Variants in DPP10 observed in about 807,000 individuals in gnomAD.
The protein encoded by DPP10 is inactive dipeptidyl peptidase 10.
In DPP10, 33 loss-of-function variants were observed where a neutral mutation model predicts 120.9. The ratio of observed to expected loss-of-function variants is 0.27; its 90% CI spans 0.21 to 0.37. DPP10 has a LOEUF of 0.37. Ranked by LOEUF, DPP10 falls within the 10% of genes least tolerant of loss-of-function variation. The pLI, the probability that DPP10 is intolerant of heterozygous loss-of-function variation, is 1.00. For synonymous variants in DPP10, 337 were observed against 326.1 expected (o/e 1.03, Z -0.36); for missense variants, 816 against 942.8 (o/e 0.87, Z 1.76).
At chr2:115,669,342 A>G (rs1410201819) in intron 5 of DPP10, among the ~76,000 whole-genome samples, 1 of 152,176 alleles carries the variant, frequency 6.6e-6, no homozygotes. Flanking sequence ...TGAACTAGAC[A>G]GTCAGATTAG....
intron 1 of DPP10, among the ~76,000 whole-genome samples, chr2:114,608,295 A>G (rs963006472): frequency 3.3e-5 from 5 of 152,180 alleles, no homozygotes; most frequent in African/African-American, 1.2e-4. Context: ...TGACATACTT[A>G]CCACTAACCC....
At chr2:115,253,038 C>T (rs2058821667) in intron 1 of DPP10, among the ~76,000 whole-genome samples, 1 of 152,168 alleles carries the variant, frequency 6.6e-6, no homozygotes, top group Non-Finnish European at 1.5e-5. Flanking sequence ...GTTTAACTGG[C>T]TCTGTAAGGT....
chr2:115,240,773 C>T (rs1299632357), intron 1 of DPP10, among the ~76,000 whole-genome samples: 2 of 152,204 alleles, frequency 1.3e-5, no homozygotes, highest in African/African-American at 4.8e-5. Flanking sequence ...ACTCCTTATA[C>T]ACTCAATTTT....
intron 1 of DPP10, among the ~76,000 whole-genome samples, chr2:114,847,060 A>G (rs1415020111): frequency 6.6e-6 from 1 of 152,042 alleles, no homozygotes. Context: ...GTGCTATCAT[A>G]TCATATCATA....
intron 3 of DPP10, among the ~76,000 whole-genome samples, chr2:115,351,371 G>A (rs188868595): frequency 1.3e-5 from 2 of 152,142 alleles, no homozygotes; most frequent in Non-Finnish European, 2.9e-5. Flanking sequence ...TGACTCCAAA[G>A]GTGGGGAGCG....
intron 13 of DPP10, among the ~76,000 whole-genome samples, chr2:115,772,497 G>T (rs1187743372): frequency 2.6e-5 from 4 of 152,024 alleles, no homozygotes; most frequent in African/African-American, 4.8e-5. Context: ...TTCCATTAAA[G>T]AAAATATTAA....
intron 1 of DPP10, among the ~76,000 whole-genome samples, chr2:114,719,087 A>G (rs1210369609): frequency 6.6e-6 from 1 of 152,204 alleles, no homozygotes; most frequent in African/African-American, 2.4e-5. Flanking sequence ...TGTTCTTACT[A>G]TTCCCATGTT....
At chr2:115,546,130 T>G (rs2079485590) in intron 5 of DPP10, among the ~76,000 whole-genome samples, 1 of 152,146 alleles carries the variant, frequency 6.6e-6, no homozygotes, top group South Asian at 2.1e-4. Context: ...TTTCCACATC[T>G]ACAAGACAAT....
intron 1 of DPP10, among the ~76,000 whole-genome samples, chr2:114,579,033 G>T (rs572504468): frequency 6.6e-6 from 1 of 152,254 alleles, no homozygotes; most frequent in South Asian, 2.1e-4. Flanking sequence ...ACTGGAGACT[G>T]GTAATTTGCA....
intron 19 of DPP10, among the ~76,000 whole-genome samples, chr2:115,794,619 A>C (rs1016047138): frequency 6.6e-6 from 1 of 152,126 alleles, no homozygotes; most frequent in Non-Finnish European, 1.5e-5. Context: ...CCATAGATGG[A>C]TCTCAGTGAC....
chr2:115,435,081 A>G (rs745839429), intron 3 of DPP10, among the ~76,000 whole-genome samples: 29 of 149,876 alleles, frequency 1.9e-4, no homozygotes, highest in Non-Finnish European at 3.9e-4. Flanking sequence ...TATGTATCAC[A>G]TTTCTGTATT....
chr2:114,671,547 C>T lies in DPP10; in HGVS notation c.60+228709C>T, dbSNP rs540183325. ...TTTCTTTATAAATTACCCAGCCTCA[C>T]GTATTCCTTTATAGAAACACAAAAC... On this transcript the variant is annotated intron_variant, in intron 1 of 25. Transcript: ENST00000410059. Among the ~76,000 whole-genome samples the T allele has an allele frequency of 3.9e-5, 6 of 152,188 alleles. No individual in the cohort carries two copies. In the South Asian group the frequency reaches 1.0e-3, roughly 26 times the overall value.
chr2:114,523,208 T>C lies in DPP10; in HGVS notation c.60+80370T>C, dbSNP rs554014587. The stretch of plus-strand genomic sequence containing the variant: ...CCCATAGAGAGTTCTGGAGCATAAA[T>C]TGAACCACAGTGCTAGCCCCATTTT... On this transcript the variant is annotated intron_variant, in intron 1 of 25. Transcript: ENST00000410059. 3.9e-5 allele frequency among the ~76,000 whole-genome samples: 6 copies of C among 152,326 alleles called. No homozygotes were observed. In the South Asian group the frequency reaches 6.2e-4, roughly 16 times the overall value.
At chr2:115,669,250 C>T (rs2089688548) in intron 5 of DPP10, among the ~76,000 whole-genome samples, 1 of 152,048 alleles carries the variant, frequency 6.6e-6, no homozygotes, top group Non-Finnish European at 1.5e-5. Flanking sequence ...TAAATAAAAG[C>T]ATGATGTTTT....
chr2:114,712,269 G>A (rs1229820792), intron 1 of DPP10, among the ~76,000 whole-genome samples: 1 of 152,106 alleles, frequency 6.6e-6, no homozygotes, highest in Non-Finnish European at 1.5e-5. Flanking sequence ...GCAGTGAGCC[G>A]AGATCATGCC....
chr2:114,636,248 TC>T (rs1322099776), intron 1 of DPP10, among the ~76,000 whole-genome samples: 1 of 152,000 alleles, frequency 6.6e-6, no homozygotes, highest in Non-Finnish European at 1.5e-5. Context: ...TATATAAACT[TC>T]CCATTTTGTC....
chr2:114,627,024 T>G (rs141128936), intron 1 of DPP10, among the ~76,000 whole-genome samples: 5 of 152,206 alleles, frequency 3.3e-5, no homozygotes, highest in Admixed American at 2.6e-4. Context: ...CCTTTTCTTT[T>G]TTTTCTGTTA....
chr2:114,790,338 A>G lies in DPP10; in HGVS notation c.60+347500A>G, dbSNP rs149335047. Among the ~76,000 whole-genome samples, 832 of 152,326 alleles carry G rather than the reference A, an allele frequency of 5.5e-3. 5 individuals are homozygous for G. Among genetic ancestry groups the G allele is most frequent in the African/African-American group, 0.019 (794 of 41,584 alleles). On this transcript the variant is annotated intron_variant, in intron 1 of 25. Transcript: ENST00000410059. ...GAAACAAACATCTAATTTTCATGTT[A>G]TGCTTGTTTAATTAGGTAATTTACT...
chr2:115,785,902 T>C (rs978450770), intron 17 of DPP10, among the ~76,000 whole-genome samples: 1 of 151,866 alleles, frequency 6.6e-6, no homozygotes, highest in African/African-American at 2.4e-5. Context: ...CTAGTTTCTC[T>C]GAGTGAATAT....
Sources: gnomAD v4.1 joint callset for allele counts (sites outside exome capture counted in the v4.1 genomes callset) on GRCh38, gnomAD v4.1.1 for gene constraint, MANE v1.5 for transcripts, NCBI Gene and HGNC (gene_info 2026-07-23, HGNC 2026-07-21) for gene names.